LGSN: variants seen among roughly 807,000 people sequenced by gnomAD.
The protein encoded by LGSN is lengsin.
A neutral mutation model predicts 19.5 loss-of-function variants in LGSN; 21 were observed. The ratio of observed to expected loss-of-function variants is 1.07; its 90% confidence interval spans 0.76 to 1.55. The LOEUF is 1.55. LGSN is among the 40% of genes most tolerant of loss of function. The pLI is 0.00. For missense variants in LGSN, 673 were observed against 608.5 expected, an observed-to-expected ratio of 1.11 and a Z score of -1.12; for synonymous variants, 257 against 215.6, an observed-to-expected ratio of 1.19 and a Z score of -1.68.
the LGSN span, among the ~76,000 whole-genome samples, chr6:63,342,903 C>G: frequency 6.6e-6 from 1 of 152,172 alleles, no homozygotes; most frequent in Non-Finnish European, 1.5e-5. Context: ...TGACCATTAA[C>G]CATATGGGAG....
At chr6:63,558,665 C>A in the LGSN span, among the ~76,000 whole-genome samples, 1 of 152,184 alleles carries the variant, frequency 6.6e-6, no homozygotes, top group Non-Finnish European at 1.5e-5. Flanking sequence ...GGAAGCACAT[C>A]TTAGGGTCAT....
the LGSN span, among the ~76,000 whole-genome samples, chr6:63,401,490 C>A: frequency 6.6e-6 from 1 of 151,736 alleles, no homozygotes. Flanking sequence ...TTATAACCAT[C>A]ACAAGATGTC....
the LGSN span, among the ~76,000 whole-genome samples, chr6:63,461,386 A>G: frequency 6.6e-6 from 1 of 152,070 alleles, no homozygotes; most frequent in Non-Finnish European, 1.5e-5. Context: ...CTTGTTCTCC[A>G]TTTGTACTCC....
the LGSN span, among the ~76,000 whole-genome samples, chr6:63,388,131 C>T: frequency 6.6e-6 from 1 of 151,896 alleles, no homozygotes; most frequent in East Asian, 1.9e-4. Flanking sequence ...CTGCTTTGGC[C>T]TCCCAATGTG....
At chr6:63,461,444 T>C in the LGSN span, among the ~76,000 whole-genome samples, 1 of 152,234 alleles carries the variant, frequency 6.6e-6, no homozygotes, top group Non-Finnish European at 1.5e-5. Context: ...AGCTAAAGGA[T>C]AATTTCTCCC....
the LGSN span, among the ~76,000 whole-genome samples, chr6:63,414,117 C>T: frequency 7.0e-3 from 1,058 of 152,218 alleles, 19 homozygotes; most frequent in South Asian, 0.052. Flanking sequence ...AACATCTTAG[C>T]CTCAAGACAT....
At chr6:63,479,689 G>A in the LGSN span, among the ~76,000 whole-genome samples, 2 of 152,236 alleles carry the variant, frequency 1.3e-5, no homozygotes, top group East Asian at 1.9e-4. Flanking sequence ...GCAGTGAGTC[G>A]AGATCATGCC....
At chr6:63,526,892 C>T in the LGSN span, among the ~76,000 whole-genome samples, 1 of 147,040 alleles carries the variant, frequency 6.8e-6, no homozygotes, top group African/African-American at 2.5e-5. Context: ...GCACTATCTA[C>T]AGGACAAAAG....
At chr6:63,434,604 C>CAAAAAAAAAAAAA in the LGSN span, among the ~76,000 whole-genome samples, 5 of 62,822 alleles carry the variant, frequency 8.0e-5, no homozygotes, top group Admixed American at 2.0e-4. Context: ...ACTAAAAATT[C>CAAAAAAAAAAAAA]AAAAAAAAAA....
chr6:63,338,345 T>C, the LGSN span, among the ~76,000 whole-genome samples: 448 of 152,318 alleles, frequency 2.9e-3, 3 homozygotes, highest in African/African-American at 0.01. Context: ...TTTCAGATTC[T>C]TCCATAGCAC....
the LGSN span, among the ~76,000 whole-genome samples, chr6:63,333,229 G>A: frequency 6.6e-6 from 1 of 151,942 alleles, no homozygotes; most frequent in Non-Finnish European, 1.5e-5. Flanking sequence ...TTTTGACAGG[G>A]CGCTGATTGG....
At chr6:63,554,271 C>T in the LGSN span, among the ~76,000 whole-genome samples, 1 of 152,188 alleles carries the variant, frequency 6.6e-6, no homozygotes, top group Non-Finnish European at 1.5e-5. Context: ...TCTTGTCTCT[C>T]TTAAACCTCA....
the LGSN span, among the ~76,000 whole-genome samples, chr6:63,469,576 G>C: frequency 6.6e-6 from 1 of 152,098 alleles, no homozygotes; most frequent in African/African-American, 2.4e-5. Context: ...ATTTTTGTAA[G>C]ATCAAACAGA....
chr6:63,357,671 A>T, the LGSN span, among the ~76,000 whole-genome samples: 1 of 151,916 alleles, frequency 6.6e-6, no homozygotes, highest in Non-Finnish European at 1.5e-5. Context: ...CCACTTGTTG[A>T]TGGGGTTGTT....
At chr6:63,509,715 A>T in the LGSN span, among the ~76,000 whole-genome samples, 1 of 152,216 alleles carries the variant, frequency 6.6e-6, no homozygotes, top group Admixed American at 6.5e-5. Flanking sequence ...AATACGTTAT[A>T]ACAGTAAAAT....
At chr6:63,526,810 T>TAC in the LGSN span, among the ~76,000 whole-genome samples, 4 of 136,872 alleles carry the variant, frequency 2.9e-5, no homozygotes, top group African/African-American at 1.2e-4. Context: ...AATGTATATA[T>TAC]ATATATATAT....
the LGSN span, among the ~76,000 whole-genome samples, chr6:63,411,042 A>G: frequency 6.6e-6 from 1 of 152,196 alleles, no homozygotes; most frequent in African/African-American, 2.4e-5. Flanking sequence ...TAAATTTATC[A>G]GGATTATTTC....
At chr6:63,571,791 T>G in the LGSN span, 4 of 152,190 alleles carry the variant, frequency 2.6e-5, no homozygotes, top group Non-Finnish European at 5.9e-5. Context: ...TAGGGCTTCG[T>G]CTGCATCAAA....
At chr6:63,384,547 T>C in the LGSN span, among the ~76,000 whole-genome samples, 1 of 148,672 alleles carries the variant, frequency 6.7e-6, no homozygotes, top group Admixed American at 6.7e-5. Flanking sequence ...GATGGAGTTT[T>C]GCTCTTGTTG....
Sources: allele counts gnomAD v4.1 joint callset (sites outside exome capture counted in the v4.1 genomes callset), GRCh38; gene constraint gnomAD v4.1.1; transcripts MANE v1.5; gene names NCBI Gene and HGNC (gene_info 2026-07-23, HGNC 2026-07-21).